COL24A1: variants seen among roughly 807,000 people sequenced by gnomAD.
COL24A1 encodes collagen alpha-1(XXIV) chain.
COL24A1 carries 224 observed loss-of-function variants against 253.9 expected under a neutral mutation model. That is an observed-to-expected ratio of 0.88 (90% confidence interval 0.79 to 0.99). COL24A1 has a LOEUF of 0.99. Ranked by LOEUF, COL24A1 falls within the 50% of genes least tolerant of loss-of-function variation. COL24A1 has a pLI of 0.00. For synonymous variants in COL24A1, 685 were observed against 673.7 expected (o/e 1.02, Z -0.26); for missense variants, 2,131 against 2,068.5 (o/e 1.03, Z -0.59).
intron 42 of COL24A1, among the ~76,000 whole-genome samples, chr1:85,840,712 A>T (rs985674814): frequency 6.6e-6 from 1 of 152,170 alleles, no homozygotes; most frequent in African/African-American, 2.4e-5. Context: ...GACCATGGTT[A>T]TAGTTAACCC....
intron 25 of COL24A1, among the ~76,000 whole-genome samples, chr1:85,910,953 A>T (rs1685304128): frequency 6.6e-6 from 1 of 151,790 alleles, no homozygotes; most frequent in African/African-American, 2.4e-5. Flanking sequence ...AGGGAAGGAG[A>T]GAGGATATTT....
rs1188001774 is a variant in COL24A1 at position 85,842,056 on chromosome 1, A to G, written c.3570+12T>C. ...TTAACTTTAAGATTAAAAAGCCAAT[A>G]TATACACAAACCTTTTCTCCTTTAG... On this transcript the variant is annotated intron_variant, in intron 41 of 59. Coordinates refer to ENST00000370571, the MANE Select transcript of COL24A1 (RefSeq NM_152890.7). 6.2e-6 allele frequency: 10 copies of G among 1,611,484 alleles called. No homozygotes were observed. In the African/African-American group the frequency reaches 1.2e-4, roughly 19 times the overall value.
intron 7 of COL24A1, among the ~76,000 whole-genome samples, 173 bp from the exon 8 acceptor site, chr1:86,063,932 TTAC>T (rs1444666324): frequency 2.0e-5 from 3 of 151,880 alleles, no homozygotes; most frequent in Non-Finnish European, 4.4e-5. Flanking sequence ...TTAATAAGAA[TTAC>T]TTTTTTATTA....
intron 37 of COL24A1, among the ~76,000 whole-genome samples, chr1:85,867,730 T>TC (rs753952961): frequency 5.3e-5 from 8 of 152,094 alleles, no homozygotes; most frequent in Admixed American, 2.6e-4. Context: ...GATGCTATTT[T>TC]CTCTCTCTCA....
intron 9 of COL24A1, among the ~76,000 whole-genome samples, chr1:86,058,309 G>A (rs1171830350): frequency 6.6e-6 from 1 of 151,158 alleles, no homozygotes; most frequent in Non-Finnish European, 1.5e-5. Flanking sequence ...CTAAAAGATA[G>A]GCCCATAAAT....
chr1:85,843,667 G>A (rs773563981), intron 39 of COL24A1, among the ~76,000 whole-genome samples: 2 of 152,124 alleles, frequency 1.3e-5, no homozygotes, highest in Non-Finnish European at 2.9e-5. Context: ...CTGAAATCAA[G>A]ACATTGAAGG....
Position 86,104,069 on chromosome 1 carries a change from T to C in COL24A1, c.1599+8498A>G, listed in dbSNP as rs7517165. 4.6e-3 allele frequency among the ~76,000 whole-genome samples: 695 copies of C among 152,220 alleles called. 7 individuals are homozygous for C. The highest frequency in any genetic ancestry group is 0.016 in the African/African-American group (651 of 41,546). ...TACATGATCCCCTATTTCTCAGGGG[T>C]TTTGTTCATTCCTTTTCATTCTTTT... On this transcript the variant is annotated intron_variant, in intron 5 of 59. Transcript: ENST00000370571.
chr1:85,877,796 T>C (rs1681356189), intron 32 of COL24A1, among the ~76,000 whole-genome samples: 1 of 152,248 alleles, frequency 6.6e-6, no homozygotes, highest in Non-Finnish European at 1.5e-5. Flanking sequence ...TCATATATTG[T>C]GCTAAGCATT....
At chr1:85,953,999 A>G (rs1690188401) in intron 24 of COL24A1, among the ~76,000 whole-genome samples, 1 of 152,184 alleles carries the variant, frequency 6.6e-6, no homozygotes, top group Admixed American at 6.5e-5. Context: ...AAAAAGACTG[A>G]TGCTATTGGA....
intron 1 of COL24A1, among the ~76,000 whole-genome samples, chr1:86,149,742 G>A (rs954728557): frequency 1.3e-5 from 2 of 152,124 alleles, no homozygotes; most frequent in Non-Finnish European, 2.9e-5. Context: ...ATGTTAACAA[G>A]TCCATTCCTG....
At chr1:85,767,387 A>G (rs1667491436) in intron 53 of COL24A1, among the ~76,000 whole-genome samples, 1 of 152,174 alleles carries the variant, frequency 6.6e-6, no homozygotes, top group African/African-American at 2.4e-5. Flanking sequence ...GAATGTACTG[A>G]AAAATTCCCA....
chr1:85,972,966 A>G (rs940785197), intron 20 of COL24A1, among the ~76,000 whole-genome samples: 1 of 152,186 alleles, frequency 6.6e-6, no homozygotes, highest in Non-Finnish European at 1.5e-5. Flanking sequence ...TTGTGATTGA[A>G]TCCCTGAAGT....
intron 5 of COL24A1, among the ~76,000 whole-genome samples, chr1:86,097,377 TTCTTC>T (rs72085934): frequency 0.31 from 46,384 of 151,014 alleles, 7,899 homozygotes; most frequent in Non-Finnish European, 0.38. Context: ...TTCTCCTTCT[TTCTTC>T]TCTTTTCTTT....
chr1:85,955,655 CA>C (rs1690382007), intron 24 of COL24A1, among the ~76,000 whole-genome samples: 1 of 152,160 alleles, frequency 6.6e-6, no homozygotes, highest in South Asian at 2.1e-4. Flanking sequence ...GCACACCCTG[CA>C]GGGGGGATAA....
intron 12 of COL24A1, 35 bp downstream of exon 12, chr1:86,046,790 G>A (rs1451933360): frequency 6.2e-7 from 1 of 1,609,718 alleles, no homozygotes; most frequent in Non-Finnish European, 8.5e-7. Context: ...TTATATTGCT[G>A]TAAAATAAAC....
At chr1:85,824,274 G>T (rs1558262944) in intron 43 of COL24A1, among the ~76,000 whole-genome samples, 1 of 152,152 alleles carries the variant, frequency 6.6e-6, no homozygotes, top group Non-Finnish European at 1.5e-5. Context: ...CAGGAGTGTG[G>T]CCCTAGAGCC....
chr1:85,866,643 G>A (rs1426097944), intron 37 of COL24A1, among the ~76,000 whole-genome samples: 4 of 152,022 alleles, frequency 2.6e-5, no homozygotes, highest in African/African-American at 7.3e-5. Flanking sequence ...GCATGGTGGT[G>A]CGTGCCTGTA....
intron 3 of COL24A1, among the ~76,000 whole-genome samples, chr1:86,116,998 A>C (rs1367837416): frequency 3.3e-5 from 5 of 152,328 alleles, no homozygotes; most frequent in African/African-American, 9.6e-5. Flanking sequence ...TGTTGTTATA[A>C]TTAAAAATTT....
At chr1:86,109,741 T>C (rs1705347449) in intron 5 of COL24A1, among the ~76,000 whole-genome samples, 1 of 152,212 alleles carries the variant, frequency 6.6e-6, no homozygotes, top group African/African-American at 2.4e-5. Context: ...CCAACCTCTG[T>C]CATCACTCAT....
Sources: allele counts gnomAD v4.1 joint callset (sites outside exome capture counted in the v4.1 genomes callset), GRCh38; gene constraint gnomAD v4.1.1; transcripts MANE v1.5; gene names NCBI Gene and HGNC (gene_info 2026-07-23, HGNC 2026-07-21).